The following SYCP3 variants were observed in gnomAD, a reference collection of about 807,000 sequenced individuals.
SYCP3 encodes the protein synaptonemal complex protein 3.
In SYCP3, 29 loss-of-function variants were observed where a neutral mutation model predicts 38.5. The observed-to-expected ratio is 0.75, with a 90% confidence interval of 0.56 to 1.03. The LOEUF (loss-of-function observed/expected upper bound fraction) is 1.03, where lower values mean the gene tolerates loss of function less well. Ranked by LOEUF, SYCP3 falls within the 50% of genes least tolerant of loss-of-function variation. SYCP3 has a pLI of 0.00. For missense variants in SYCP3, 242 were observed against 270.7 expected (o/e 0.89, Z 0.74); for synonymous variants, 79 against 80.3 (o/e 0.98, Z 0.08).
intron 4 of SYCP3, among the ~76,000 whole-genome samples, chr12:101,735,871 A>ATATATATATATATATATATTTTTTTTTT: frequency 6.4e-4 from 48 of 74,640 alleles, no homozygotes; most frequent in East Asian, 1.5e-3. Flanking sequence ...ATATATATAT[A>ATATATATATATATATATATTTTTTTTTT]TTTTTTTTTT....
chr12:101,738,439 A>AC (rs947029758), intron 1 of SYCP3, among the ~76,000 whole-genome samples: 8 of 151,098 alleles, frequency 5.3e-5, no homozygotes, highest in African/African-American at 1.9e-4. Context: ...CAAAAAAAAA[A>AC]AACAACAACA....
intron 7 of SYCP3, chr12:101,729,442 AC>A (rs1952086994): frequency 4.3e-6 from 2 of 468,280 alleles, no homozygotes; most frequent in South Asian, 5.2e-5. Context: ...TACTTTGCCC[AC>A]AATGGGTTTC....
intron 7 of SYCP3, among the ~76,000 whole-genome samples, chr12:101,729,918 G>A (rs775926689): frequency 4.6e-5 from 7 of 152,202 alleles, no homozygotes; most frequent in Non-Finnish European, 1.0e-4. Flanking sequence ...TATTCTAGGG[G>A]AAGGGCATAA....
In SYCP3 at chr12:101,734,779, C is replaced by G. The variant is rs1237179840; in HGVS notation, c.353+148G>C. 1.7e-5 allele frequency: 10 copies of G among 588,436 alleles called. No homozygotes were observed. In the East Asian group the frequency reaches 3.5e-4, roughly 20 times the overall value. 36.5% of individuals were successfully genotyped at this position (588,436 alleles called of 1,614,324 possible). A position where few individuals can be genotyped will look rare whatever the true frequency, so the allele number is the denominator to read the frequency against. On this transcript the variant is annotated intron_variant, in intron 5 of 8. Coordinates refer to ENST00000392924, the MANE Select transcript of SYCP3 (RefSeq NM_001177949.2). ...GCCAGGCTGGTCTCTAACTCCTGACCTCAAGTGATCTGCCTGCCTTGGCCT... is the reference window on the plus strand; with the variant it reads ...GCCAGGCTGGTCTCTAACTCCTGACGTCAAGTGATCTGCCTGCCTTGGCCT...
Position 101,735,011 on chromosome 12 carries a change from T to C in SYCP3, c.269A>G (p.Lys90Arg). The change falls in exon 5 of 9, where the codon AAG (lysine) becomes AGG (arginine). Residue 90 changes from lysine (K) to arginine (R), a missense_variant. Physicochemically the swap from Lys to Arg is conservative, Grantham distance 26. Transcript: ENST00000392924. ...AGCCTTGGTATACATTTCTAGTCTC[T>C]TTCTCTTGGCAAGAAGAGCCTTGTT... ...DINKALLAKR[K>R]RLEMYTKASL... 1.2e-6 allele frequency: 2 copies of C among 1,613,184 alleles called. No individual in the cohort carries two copies. The highest frequency in any genetic ancestry group is 2.2e-5 in the South Asian group (2 of 90,996).
At chr12:101,730,704 T>C in intron 7 of SYCP3, 1 of 242,106 alleles carries the variant, frequency 4.1e-6, no homozygotes. Flanking sequence ...GGTTTTGTCA[T>C]GTTGCTCAGG....
chr12:101,737,979 T>C, intron 1 of SYCP3, 27 bp from the exon 2 acceptor site: 1 of 1,612,840 alleles, frequency 6.2e-7, no homozygotes, highest in Non-Finnish European at 8.5e-7. Flanking sequence ...TCTTTAACCT[T>C]CTGAATGCAA....
Position 101,733,683 on chromosome 12 carries a change from CATA to C in SYCP3, c.354-12_354-10del. 6.2e-7 allele frequency: 1 copy of C among 1,606,398 alleles called. No homozygotes were observed. The highest frequency in any genetic ancestry group is 8.5e-7 in the Non-Finnish European group (1 of 1,177,910). On this transcript the variant is annotated splice_polypyrimidine_tract_variant and intron_variant, in intron 5 of 8. Coordinates refer to ENST00000392924, the MANE Select transcript of SYCP3 (RefSeq NM_001177949.2). Reference sequence around the variant, plus strand: ...CTTGGTTAAGCTTCTGCCTGTAAAACATAATGATGAATTATTGTCATATTTCAT... The same window carrying C: ...CTTGGTTAAGCTTCTGCCTGTAAAACATGATGAATTATTGTCATATTTCAT...
chr12:101,734,918 C>A lies in SYCP3; in HGVS notation c.353+9G>T, dbSNP rs766495558. On this transcript the variant is annotated intron_variant, in intron 5 of 8. Transcript: ENST00000392924. ...AAATGTGGCTCTAAAAAAAAAGCAA[C>A]CACCTTACCTTTGATCTTGTTGTGT... 1.8e-5 allele frequency: 28 copies of A among 1,578,558 alleles called. No homozygotes were observed. The Admixed American group carries it at 3.0e-4, about 17-fold the overall frequency.
At chr12:101,739,110 C>G (rs1028738361) in intron 1 of SYCP3, among the ~76,000 whole-genome samples, 1 of 152,192 alleles carries the variant, frequency 6.6e-6, no homozygotes, top group African/African-American at 2.4e-5. Flanking sequence ...AGGGCCCTGC[C>G]CGGCCCCGCC....
Position 101,739,345 on chromosome 12 carries a change from TCACACCTGAAA to T in SYCP3, c.-23_-18+5del. Reference sequence around the variant, plus strand: ...TGCGATAGACAGACGCCTCCCCTGCTCACACCTGAAACACACCGCAATGGCCGAGGACCAGT... The same window carrying T: ...TGCGATAGACAGACGCCTCCCCTGCTCACACCGCAATGGCCGAGGACCAGT... On this transcript the variant is annotated splice_donor_variant and splice_donor_5th_base_variant and 5_prime_UTR_variant and intron_variant, in exon 1 of 9. Coordinates refer to ENST00000392924, the MANE Select transcript of SYCP3 (RefSeq NM_001177949.2). LOFTEE classifies it low-confidence loss of function (5UTR_SPLICE). 1 of 1,002,850 alleles carries T rather than the reference TCACACCTGAAA, an allele frequency of 1.0e-6. No homozygotes were observed. The highest frequency in any genetic ancestry group is 1.2e-6 in the Non-Finnish European group (1 of 830,382). 62.1% of individuals were successfully genotyped at this position (1,002,850 alleles called of 1,614,324 possible). A position where few individuals can be genotyped will look rare whatever the true frequency, so the allele number is the denominator to read the frequency against.
At position 101,735,871 on chromosome 12, in the gene SYCP3, A is replaced by ATATATATATATATTTT; in HGVS notation, c.236-828_236-827insAAAATATATATATATA. ...CAATTTTATATATATATATATATAT[A>ATATATATATATATTTT]TTTTTTTTTTTTTAAAGACACGGGG... On this transcript the variant is annotated intron_variant, in intron 4 of 8. Transcript: ENST00000392924. Among the ~76,000 whole-genome samples, 150 of 74,712 alleles carry ATATATATATATATTTT rather than the reference A, an allele frequency of 2.0e-3. 4 individuals are homozygous for ATATATATATATATTTT. Among genetic ancestry groups the ATATATATATATATTTT allele is most frequent in the African/African-American group, 8.4e-3 (133 of 15,894 alleles). The allele number at this position is 74,712 out of a possible 152,430, so 49.0% of individuals were successfully genotyped here.
chr12:101,731,469 TA>T (rs1566050823), intron 7 of SYCP3, 98 bp downstream of exon 7: 1 of 740,316 alleles, frequency 1.4e-6, no homozygotes, highest in African/African-American at 1.8e-5. Context: ...AGTTAAAGTC[TA>T]AAATGTTTTT....
At chr12:101,739,009 A>T (rs1952597527) in intron 1 of SYCP3, among the ~76,000 whole-genome samples, 1 of 152,264 alleles carries the variant, frequency 6.6e-6, no homozygotes, top group South Asian at 2.1e-4. Context: ...AAATGAACAC[A>T]GGCAGAAGAT....
At position 101,737,963 on chromosome 12, in the gene SYCP3, C is replaced by T. The variant is rs1180276275; in HGVS notation, c.-17-11G>A. 75 of 1,612,582 alleles carry T rather than the reference C, an allele frequency of 4.7e-5. No individual in the cohort carries two copies. Among genetic ancestry groups the T allele is most frequent in the Non-Finnish European group, 6.0e-5 (71 of 1,178,920 alleles). On this transcript the variant is annotated splice_polypyrimidine_tract_variant and intron_variant, in intron 1 of 8. Transcript: ENST00000392924. ...TTAGATGCTTCCTGACTTTAAAAAACAAATTTCTTTAACCTTCTGAATGCA... is the reference window on the plus strand; with the variant it reads ...TTAGATGCTTCCTGACTTTAAAAAATAAATTTCTTTAACCTTCTGAATGCA...
At chr12:101,738,495 G>A (rs1952561437) in intron 1 of SYCP3, among the ~76,000 whole-genome samples, 2 of 150,442 alleles carry the variant, frequency 1.3e-5, no homozygotes, top group African/African-American at 4.9e-5. Context: ...CCATCACTTT[G>A]GGAGGCCGAG....
At chr12:101,733,549 A>T in intron 6 of SYCP3, 26 bp downstream of exon 6, 1 of 1,596,790 alleles carries the variant, frequency 6.3e-7, no homozygotes, top group Non-Finnish European at 8.6e-7. Context: ...GACTTGGTTG[A>T]TTATAAACCT....
intron 2 of SYCP3, 99 bp from the exon 3 acceptor site, chr12:101,737,397 C>CT: frequency 8.6e-7 from 1 of 1,165,070 alleles, no homozygotes; most frequent in Non-Finnish European, 1.2e-6. Context: ...GATTTTTAGG[C>CT]TTTTTGCCAA....
At chr12:101,729,627 TA>T (rs1952094778) in intron 7 of SYCP3, 1 of 162,542 alleles carries the variant, frequency 6.2e-6, no homozygotes, top group Non-Finnish European at 1.3e-5. Flanking sequence ...TTATGAAAAA[TA>T]AAAATTATGT....
Sources: allele counts gnomAD v4.1 joint callset (sites outside exome capture counted in the v4.1 genomes callset), GRCh38; gene constraint gnomAD v4.1.1; transcripts MANE v1.5; gene names NCBI Gene and HGNC (gene_info 2026-07-23, HGNC 2026-07-21).